The following SGCZ variants were observed in gnomAD, a reference collection of about 807,000 sequenced individuals.
The protein encoded by SGCZ is sarcoglycan zeta, also known as zeta-sarcoglycan.
In SGCZ, 40 loss-of-function variants were observed where a neutral mutation model predicts 41.3. That is an observed-to-expected ratio of 0.97 (90% CI 0.75 to 1.26). SGCZ has a LOEUF of 1.26. SGCZ is among the 50% of genes most tolerant of loss of function. The pLI, the probability that SGCZ is intolerant of heterozygous loss-of-function variation, is 0.00. For missense variants in SGCZ, 552 were observed against 369.8 expected (o/e 1.49, Z -4.04); for synonymous variants, 206 against 137.5 (o/e 1.50, Z -3.49).
intron 1 of SGCZ, among the ~76,000 whole-genome samples, chr8:14,890,280 A>T (rs1804964442): frequency 6.6e-6 from 1 of 151,982 alleles, no homozygotes. Context: ...GAAGGAAAGA[A>T]ACGAAAGGAA....
At chr8:14,603,495 G>C (rs536083022) in intron 1 of SGCZ, among the ~76,000 whole-genome samples, 3 of 151,622 alleles carry the variant, frequency 2.0e-5, no homozygotes, top group African/African-American at 7.3e-5. Flanking sequence ...GGTACCGAAA[G>C]ATGTAAAAGA....
At chr8:14,680,144 G>A (rs1454337717) in intron 1 of SGCZ, among the ~76,000 whole-genome samples, 4 of 152,124 alleles carry the variant, frequency 2.6e-5, no homozygotes, top group African/African-American at 9.7e-5. Context: ...ATTCTGGAAA[G>A]TGCAACGTTA....
At position 14,164,630 on chromosome 8, in the gene SGCZ, G is replaced by C. The variant is rs1158581479; in HGVS notation, c.497C>G (p.Ser166Cys). The change falls in exon 5 of 8, where the codon TCT becomes TGT. Residue 166 changes from serine to cysteine, a missense_variant. By Grantham distance (112) the Ser-to-Cys change is moderately radical. Coordinates refer to ENST00000382080, the MANE Select transcript of SGCZ (RefSeq NM_139167.4). ...AATGGTAATCTCATCTTCATCTGCAGAAAACAGCACCCTGCCATCTTCACT... is the reference window on the plus strand; with the variant it reads ...AATGGTAATCTCATCTTCATCTGCACAAAACAGCACCCTGCCATCTTCACT... ...RASEDGRVLF[S>C]ADEDEITIGA... is the part of the protein sequence containing the mutation. 3 of 1,613,468 alleles carry C rather than the reference G, an allele frequency of 1.9e-6. No individual in the cohort carries two copies. Among genetic ancestry groups the C allele is most frequent in the African/African-American group, 2.7e-5 (2 of 74,872 alleles).
chr8:14,518,843 C>A (rs541407988), intron 2 of SGCZ, among the ~76,000 whole-genome samples: 1 of 149,224 alleles, frequency 6.7e-6, no homozygotes, highest in South Asian at 2.1e-4. Context: ...GATCACTTGA[C>A]GCCAGGAGTT....
chr8:14,184,222 T>C (rs1804828164), intron 4 of SGCZ, among the ~76,000 whole-genome samples: 1 of 152,132 alleles, frequency 6.6e-6, no homozygotes, highest in Admixed American at 6.5e-5. Flanking sequence ...TGAGTGTAGT[T>C]TTACATGGGC....
chr8:14,730,446 A>G (rs1563231283), intron 1 of SGCZ, among the ~76,000 whole-genome samples: 1 of 151,148 alleles, frequency 6.6e-6, no homozygotes, highest in African/African-American at 2.4e-5. Context: ...TGTATGTTCT[A>G]TTTTTTTTTC....
chr8:14,284,061 G>A (rs934640069), intron 3 of SGCZ, among the ~76,000 whole-genome samples: 1 of 152,132 alleles, frequency 6.6e-6, no homozygotes, highest in African/African-American at 2.4e-5. Flanking sequence ...TCAATAAGAT[G>A]TCTCTCCTTA....
At chr8:15,177,217 C>A (rs1326983615) in intron 1 of SGCZ, among the ~76,000 whole-genome samples, 1 of 152,064 alleles carries the variant, frequency 6.6e-6, no homozygotes, top group South Asian at 2.1e-4. Context: ...CCTCCAGAAT[C>A]AAGAGAACAC....
intron 2 of SGCZ, among the ~76,000 whole-genome samples, chr8:14,514,305 G>C (rs904756873): frequency 1.3e-5 from 2 of 152,036 alleles, no homozygotes; most frequent in African/African-American, 2.4e-5. Context: ...AGTGACTTCA[G>C]ATATAAATAG....
At chr8:14,345,615 G>C (rs1802867730) in intron 2 of SGCZ, among the ~76,000 whole-genome samples, 1 of 152,074 alleles carries the variant, frequency 6.6e-6, no homozygotes, top group Non-Finnish European at 1.5e-5. Flanking sequence ...CCTAAGTCTA[G>C]TGCTATTGAA....
At chr8:15,188,251 G>T (rs760030490) in intron 1 of SGCZ, among the ~76,000 whole-genome samples, 1 of 152,064 alleles carries the variant, frequency 6.6e-6, no homozygotes, top group Non-Finnish European at 1.5e-5. Context: ...AAAAATTAGT[G>T]TGATCAGCAG....
chr8:15,106,284 G>T (rs1263813317), intron 1 of SGCZ, among the ~76,000 whole-genome samples: 2 of 151,998 alleles, frequency 1.3e-5, no homozygotes, highest in African/African-American at 4.8e-5. Flanking sequence ...ATTTTCAAAA[G>T]TGTCACATGC....
chr8:14,869,018 G>A (rs886964619), intron 1 of SGCZ, among the ~76,000 whole-genome samples: 4 of 152,152 alleles, frequency 2.6e-5, no homozygotes, highest in South Asian at 2.1e-4. Context: ...GTACAAAGAG[G>A]AGCTGGTACC....
rs184016091 is a variant in SGCZ at position 14,151,847 on chromosome 8, T to C, written c.547+12733A>G. Among the ~76,000 whole-genome samples the C allele has an allele frequency of 1.7e-3, 262 of 151,676 alleles. 5 individuals are homozygous for C. In the East Asian group the frequency reaches 0.037, roughly 21 times the overall value. On this transcript the variant is annotated intron_variant, in intron 5 of 7. Coordinates refer to ENST00000382080, the MANE Select transcript of SGCZ (RefSeq NM_139167.4). ...TTGACAAGTGTGTAAAAAGAAATAA[T>C]GGAGGAAGAAAAAGCTTGGAACAAT...
intron 1 of SGCZ, among the ~76,000 whole-genome samples, chr8:15,096,059 T>G (rs1281758405): frequency 6.6e-6 from 1 of 151,940 alleles, no homozygotes; most frequent in South Asian, 2.1e-4. Flanking sequence ...CGAGAAGTAG[T>G]TTCTTTTTTA....
chr8:14,842,352 G>A (rs752806533), intron 1 of SGCZ, among the ~76,000 whole-genome samples: 1 of 148,636 alleles, frequency 6.7e-6, no homozygotes, highest in Non-Finnish European at 1.5e-5. Flanking sequence ...AAAAAAGGAA[G>A]GAAGGAAACA....
Position 14,398,267 on chromosome 8 carries a change from C to G in SGCZ, c.235-74063G>C, listed in dbSNP as rs183715183. Among the ~76,000 whole-genome samples the G allele has an allele frequency of 6.8e-4, 103 of 152,226 alleles. 2 individuals carry two copies. The highest frequency in any genetic ancestry group is 4.5e-3 in the Admixed American group (69 of 15,274). The stretch of plus-strand genomic sequence containing the variant: ...AGCATTCTAAACTTAGTTTTCTCAG[C>G]TTTGAAATGAGAACAGTGTGACCTA... On this transcript the variant is annotated intron_variant, in intron 2 of 7. Coordinates refer to ENST00000382080, the MANE Select transcript of SGCZ (RefSeq NM_139167.4).
intron 2 of SGCZ, among the ~76,000 whole-genome samples, chr8:14,501,685 G>T (rs1170861883): frequency 4.6e-5 from 7 of 150,580 alleles, no homozygotes; most frequent in Admixed American, 4.6e-4. Flanking sequence ...AAGGTACTCT[G>T]ATATTGGACA....
intron 3 of SGCZ, among the ~76,000 whole-genome samples, chr8:14,269,345 A>G (rs542354790): frequency 2.6e-5 from 4 of 152,286 alleles, no homozygotes; most frequent in Middle Eastern, 3.4e-3. Flanking sequence ...GCTAATATAA[A>G]CATTCTCGTG....
Sources: allele counts gnomAD v4.1 joint callset (sites outside exome capture counted in the v4.1 genomes callset), GRCh38; gene constraint gnomAD v4.1.1; transcripts MANE v1.5; gene names NCBI Gene and HGNC (gene_info 2026-07-23, HGNC 2026-07-21).